AGAP1: variants seen among roughly 807,000 people sequenced by gnomAD.
AGAP1 encodes the protein arf-GAP with GTPase, ANK repeat and PH domain-containing protein 1.
AGAP1 carries 29 observed loss-of-function variants against 105.3 expected under a neutral mutation model. That is an observed-to-expected ratio of 0.28 (90% CI 0.21 to 0.38). The LOEUF (loss-of-function observed/expected upper bound fraction) is 0.38. Among genes scored for constraint, AGAP1 ranks in the 10% least tolerant of loss-of-function variants. The pLI, the probability that AGAP1 is intolerant of heterozygous loss-of-function variation, is 1.00. For synonymous variants in AGAP1, 509 were observed against 485.9 expected, an observed-to-expected ratio of 1.05 and a Z score of -0.63; for missense variants, 998 against 1,165.1, an observed-to-expected ratio of 0.86 and a Z score of 2.09.
chr2:235,650,918 G>A lies in AGAP1; in HGVS notation c.164-58261G>A, dbSNP rs965260640. 3.9e-5 allele frequency among the ~76,000 whole-genome samples: 6 copies of A among 151,984 alleles called. 1 individual carries two copies. The East Asian group carries it at 5.8e-4, about 15-fold the overall frequency. On this transcript the variant is annotated intron_variant, in intron 1 of 17. Coordinates refer to ENST00000304032, the MANE Select transcript of AGAP1 (RefSeq NM_001037131.3). ...ACCCTGGCCAGGCGTGGTGGCTCACGCCTATAATCCCAGCACTTTGGGAAG... is the reference window on the plus strand; with the variant it reads ...ACCCTGGCCAGGCGTGGTGGCTCACACCTATAATCCCAGCACTTTGGGAAG...
At chr2:235,941,775 A>G (rs772716284) in intron 12 of AGAP1, among the ~76,000 whole-genome samples, 104 of 152,270 alleles carry the variant, frequency 6.8e-4, no homozygotes, top group Non-Finnish European at 1.4e-3. Context: ...AATGCTGCCA[A>G]GAACTCAGTA....
At chr2:235,667,959 CAAAAAAAA>C (rs142657060) in intron 1 of AGAP1, among the ~76,000 whole-genome samples, 6 of 61,956 alleles carry the variant, frequency 9.7e-5, no homozygotes, top group South Asian at 8.7e-4. Flanking sequence ...GCCTCTGTCT[CAAAAAAAA>C]AAAAAAAAAA....
rs1331252466 is a variant in AGAP1 at position 235,577,206 on chromosome 2, A to T, written c.163+82357A>T. ...GAAATTAATTTTAATAAACTGTTTA[A>T]TCCAACATATCCAAAATATTATCCT... On this transcript the variant is annotated intron_variant, in intron 1 of 17. Transcript: ENST00000304032. The surrounding 1 kb of genome is among the most constrained non-coding windows in gnomAD (Gnocchi z 4.5). Among the ~76,000 whole-genome samples the T allele has an allele frequency of 6.6e-6, 1 of 152,220 alleles. No individual in the cohort carries two copies. The highest frequency in any genetic ancestry group is 1.5e-5 in the Non-Finnish European group (1 of 68,034).
At chr2:235,709,813 G>A (rs544222118) in intron 2 of AGAP1, among the ~76,000 whole-genome samples, 2 of 152,280 alleles carry the variant, frequency 1.3e-5, no homozygotes, top group South Asian at 2.1e-4. Flanking sequence ...GTGGTCCATC[G>A]CAGCCACCCT....
rs369593954 is a variant in AGAP1 at position 235,835,121 on chromosome 2, A to T, written c.1050+27790A>T. Among the ~76,000 whole-genome samples, 21 of 152,270 alleles carry T rather than the reference A, an allele frequency of 1.4e-4. 1 individual carries two copies. The highest frequency in any genetic ancestry group is 4.6e-4 in the African/African-American group (19 of 41,570). ...ATTGCACAGTAGCCTCACTGGATGG[A>T]CAGGTGCCCTCAGTGTGTTCCCCGG... On this transcript the variant is annotated intron_variant, in intron 9 of 17. Transcript: ENST00000304032.
chr2:235,880,576 C>CAAA (rs57466604), intron 9 of AGAP1, among the ~76,000 whole-genome samples: 3,985 of 142,316 alleles, frequency 0.028, 178 homozygotes, highest in African/African-American at 0.094. Flanking sequence ...ACTAAAAATA[C>CAAA]AAAAAAAAAA....
At position 235,961,512 on chromosome 2, in the gene AGAP1, A is replaced by C. The variant is rs1364139094; in HGVS notation, c.1484-6950A>C. On this transcript the variant is annotated intron_variant, in intron 12 of 17. Coordinates refer to ENST00000304032, the MANE Select transcript of AGAP1 (RefSeq NM_001037131.3). This position sits in a 1 kb window ranked among gnomAD's most constrained non-coding sequence, Gnocchi z 5.9. ...GACTGGAGTGAGGCCAGCCGTGGAC[A>C]GCAGTGCAGAGGGACAGGCCCTAGG... Among the ~76,000 whole-genome samples, 7 of 152,218 alleles carry C rather than the reference A, an allele frequency of 4.6e-5. No individual in the cohort carries two copies. Among genetic ancestry groups the C allele is most frequent in the Non-Finnish European group, 1.0e-4 (7 of 68,036 alleles).
chr2:235,602,509 C>T (rs751394064), intron 1 of AGAP1, among the ~76,000 whole-genome samples: 4 of 152,178 alleles, frequency 2.6e-5, no homozygotes, highest in South Asian at 2.1e-4. Context: ...TCCTCTAGCA[C>T]GCCAGCCCCA....
At chr2:235,911,643 C>T (rs945333858) in intron 11 of AGAP1, among the ~76,000 whole-genome samples, 1 of 152,234 alleles carries the variant, frequency 6.6e-6, no homozygotes, top group African/African-American at 2.4e-5. Flanking sequence ...TCGGCTGTGG[C>T]ATGGGCCTTT....
rs192535941 is a variant in AGAP1 at position 235,623,840 on chromosome 2, G to A, written c.164-85339G>A. Among the ~76,000 whole-genome samples, 2 of 152,164 alleles carry A rather than the reference G, an allele frequency of 1.3e-5. No individual in the cohort carries two copies. The highest frequency in any genetic ancestry group is 3.9e-4 in the East Asian group (2 of 5,184). On this transcript the variant is annotated intron_variant, in intron 1 of 17. Transcript: ENST00000304032. This position sits in a 1 kb window ranked among gnomAD's most constrained non-coding sequence, Gnocchi z 4.5. ...GCTTAGTATTTGTAATGCAACAAAA[G>A]GTCAGAATTAATAAGGTGTAGTGCC...
chr2:235,953,743 G>T lies in AGAP1; in HGVS notation c.1484-14719G>T, dbSNP rs571235304. On this transcript the variant is annotated intron_variant, in intron 12 of 17. Transcript: ENST00000304032. The surrounding 1 kb of genome is among the most constrained non-coding windows in gnomAD (Gnocchi z 5.2). ...CTAGGAGTTTGAGACCAGCCTGGGA[G>T]GTATAGTGAGACCCCATCTCTACAA... 4.0e-5 allele frequency among the ~76,000 whole-genome samples: 6 copies of T among 151,778 alleles called. No individual in the cohort carries two copies. The highest frequency in any genetic ancestry group is 3.9e-4 in the Admixed American group (6 of 15,252).
At position 235,750,940 on chromosome 2, in the gene AGAP1, C is replaced by T. The variant is rs1472395943; in HGVS notation, c.673+452C>T. Among the ~76,000 whole-genome samples the T allele has an allele frequency of 6.6e-6, 1 of 152,156 alleles. No homozygotes were observed. The highest frequency in any genetic ancestry group is 1.5e-5 in the Non-Finnish European group (1 of 68,018). On this transcript the variant is annotated intron_variant, in intron 6 of 17. Transcript: ENST00000304032. The surrounding 1 kb of genome is among the most constrained non-coding windows in gnomAD (Gnocchi z 5.3). ...AGAGAGAGTCAAGTTTGGACCTCCC[C>T]CCACCAAAAAAATAATAAAATGACA...
At chr2:235,913,644 TTC>T (rs2051732446) in intron 11 of AGAP1, among the ~76,000 whole-genome samples, 1 of 152,166 alleles carries the variant, frequency 6.6e-6, no homozygotes, top group African/African-American at 2.4e-5. Flanking sequence ...AGTTGAATAT[TTC>T]TCTTTTATCT....
At chr2:236,079,905 T>C (rs1302242301) in intron 16 of AGAP1, among the ~76,000 whole-genome samples, 1 of 152,258 alleles carries the variant, frequency 6.6e-6, no homozygotes, top group African/African-American at 2.4e-5. Context: ...ACCTGGCAAG[T>C]TGGCCTTCCA....
chr2:235,516,292 C>G (rs941632982), intron 1 of AGAP1, among the ~76,000 whole-genome samples: 200 of 152,266 alleles, frequency 1.3e-3, no homozygotes, highest in African/African-American at 4.7e-3. Context: ...CCCCAGCCCC[C>G]AGAAATAAAA....
intron 1 of AGAP1, among the ~76,000 whole-genome samples, chr2:235,547,989 A>G (rs1007745669): frequency 2.0e-5 from 3 of 152,362 alleles, no homozygotes; most frequent in African/African-American, 7.2e-5. Context: ...TTTCATGAGA[A>G]TGCAGGTATA....
rs967304713 is a variant in AGAP1 at position 235,557,584 on chromosome 2, C to G, written c.163+62735C>G. Among the ~76,000 whole-genome samples the G allele has an allele frequency of 2.0e-5, 3 of 152,154 alleles. No homozygotes were observed. The highest frequency in any genetic ancestry group is 2.0e-4 in the Admixed American group (3 of 15,270). ...GGCCTTTTTTTCTGTGCCAATAACTCTCAGTGCTTAACCTGAAGAAGCCCA... is the reference window on the plus strand; with the variant it reads ...GGCCTTTTTTTCTGTGCCAATAACTGTCAGTGCTTAACCTGAAGAAGCCCA... On this transcript the variant is annotated intron_variant, in intron 1 of 17. Transcript: ENST00000304032. This position sits in a 1 kb window ranked among gnomAD's most constrained non-coding sequence, Gnocchi z 4.7.
rs1166523228 is a variant in AGAP1 at position 235,604,572 on chromosome 2, CTTTTTTTTTTTTTTT to C, written c.164-104593_164-104579del. Among the ~76,000 whole-genome samples the C allele has an allele frequency of 2.7e-3, 190 of 69,684 alleles. 15 individuals are homozygous for C. Among genetic ancestry groups the C allele is most frequent in the Non-Finnish European group, 2.2e-3 (88 of 40,348 alleles). 45.7% of individuals were successfully genotyped at this position (69,684 alleles called of 152,430 possible). On this transcript the variant is annotated intron_variant, in intron 1 of 17. Coordinates refer to ENST00000304032, the MANE Select transcript of AGAP1 (RefSeq NM_001037131.3). ...CGTGTTTCTTTTTTATTTTTATTAT[CTTTTTTTTTTTTTTT>C]TTTTTTTTTTTTTGAGATGGAGTCT...
rs1945662766 is a variant in AGAP1, at chr2:235,599,644, T to G, written c.163+104795T>G. Among the ~76,000 whole-genome samples, 1 of 152,148 alleles carries G rather than the reference T, an allele frequency of 6.6e-6. No homozygotes were observed. The highest frequency in any genetic ancestry group is 6.5e-5 in the Admixed American group (1 of 15,284). ...TCCGGAAGTTCCTGGGAGTGGCTCG[T>G]AGAGCCTGTTTTCATCCTTCAGAGG... On this transcript the variant is annotated intron_variant, in intron 1 of 17. Coordinates refer to ENST00000304032, the MANE Select transcript of AGAP1 (RefSeq NM_001037131.3). This position sits in a 1 kb window ranked among gnomAD's most constrained non-coding sequence, Gnocchi z 5.3.
Sources: gnomAD v4.1 joint callset for allele counts (sites outside exome capture counted in the v4.1 genomes callset) on GRCh38, gnomAD v4.1.1 for gene constraint, Gnocchi (gnomAD v3.1) non-coding constraint, MANE v1.5 for transcripts, NCBI Gene and HGNC (gene_info 2026-07-23, HGNC 2026-07-21) for gene names.